The following TMEM245 variants were observed in gnomAD, a reference collection of about 807,000 sequenced individuals.
TMEM245 encodes the protein protein CG-2.
Under a neutral mutation model 101.2 loss-of-function variants are expected in TMEM245, and 69 were observed. The observed-to-expected ratio is 0.68, with a 90% CI of 0.56 to 0.83. The LOEUF (loss-of-function observed/expected upper bound fraction) is 0.83. TMEM245 is among the 40% of genes least tolerant of loss of function. TMEM245 has a pLI of 0.00. For synonymous variants in TMEM245, 537 were observed against 449.8 expected, an observed-to-expected ratio of 1.19 and a Z score of -2.45; for missense variants, 1,075 against 1,092.8, an observed-to-expected ratio of 0.98 and a Z score of 0.23.
chr9:109,069,958 A>G (rs1829280903), intron 9 of TMEM245, among the ~76,000 whole-genome samples: 2 of 152,248 alleles, frequency 1.3e-5, no homozygotes, highest in South Asian at 4.1e-4. Flanking sequence ...AAATTTCTGC[A>G]GCAATTTGAC....
intron 8 of TMEM245, among the ~76,000 whole-genome samples, chr9:109,075,867 A>AT (rs1284097331): frequency 4.0e-5 from 6 of 151,810 alleles, no homozygotes; most frequent in Admixed American, 6.6e-5. Context: ...GATCCTTATT[A>AT]TTTCCTTCCT....
rs1265728121 is a variant in TMEM245 at position 109,108,492 on chromosome 9, C to T, written c.658G>A (p.Val220Ile). Residue 220 changes from valine to isoleucine, a missense_variant, in exon 2 of 18, where the codon GTT (valine) becomes ATT (isoleucine). Val to Ile is a conservative substitution (Grantham distance 29). Around this residue, in one of 2 missense-constraint regions of TMEM245, gnomAD observed 808 missense variants for 741.5 expected, o/e 1.09. Transcript: ENST00000374586. ...AATATAATCCAGACAGGAATTGAAA[C>T]TGCTCTCAAGTAGCGTTCAGTGCTT... Reference protein sequence around the residue: ...NASTERYLRAVSIPVWIILLF... With the variant: ...NASTERYLRAISIPVWIILLF... The T allele has an allele frequency of 6.3e-7, 1 of 1,580,612 alleles. No individual in the cohort carries two copies. The highest frequency in any genetic ancestry group is 1.4e-5 in the African/African-American group (1 of 73,078).
intron 1 of TMEM245, among the ~76,000 whole-genome samples, chr9:109,112,558 A>C (rs1164621949): frequency 1.3e-5 from 2 of 151,824 alleles, no homozygotes; most frequent in Non-Finnish European, 2.9e-5. Flanking sequence ...AAAAAAAAGA[A>C]AGACGTATAT....
At chr9:109,096,061 T>C (rs1373511248) in intron 3 of TMEM245, among the ~76,000 whole-genome samples, 2 of 152,098 alleles carry the variant, frequency 1.3e-5, no homozygotes, top group African/African-American at 4.8e-5. Context: ...GAGGAAGCAA[T>C]GAAGGGAATC....
chr9:109,058,581 A>C (rs1297412838), intron 11 of TMEM245, among the ~76,000 whole-genome samples: 1 of 152,142 alleles, frequency 6.6e-6, no homozygotes, highest in Non-Finnish European at 1.5e-5. Context: ...AAATTTAAAA[A>C]TTAGACAAGC....
At chr9:109,056,099 T>G (rs1209127210) in intron 12 of TMEM245, among the ~76,000 whole-genome samples, 1 of 152,056 alleles carries the variant, frequency 6.6e-6, no homozygotes, top group African/African-American at 2.4e-5. Context: ...AAAGATAACA[T>G]CTAAAACTGC....
chr9:109,046,577 A>G (rs147364606), intron 14 of TMEM245, among the ~76,000 whole-genome samples: 59 of 152,310 alleles, frequency 3.9e-4, no homozygotes, highest in Middle Eastern at 3.4e-3. Context: ...AGACACTATC[A>G]CTGTCTGGTC....
intron 5 of TMEM245, 133 bp from the exon 6 acceptor site, chr9:109,087,475 A>G: frequency 1.0e-6 from 1 of 957,274 alleles, no homozygotes; most frequent in Non-Finnish European, 1.5e-6. Context: ...AATGTTAAAA[A>G]GCAGGGTGGG....
rs371767612 is a variant in TMEM245 at position 109,037,854 on chromosome 9, C to T, written c.2224+163G>A. ...TGCTGGGGATACAGCAATAAACAAA[C>T]ACATTACAAATCATATTTCTGTTCC... On this transcript the variant is annotated intron_variant, in intron 15 of 17. Transcript: ENST00000374586. Among the ~76,000 whole-genome samples the T allele has an allele frequency of 2.6e-5, 4 of 152,290 alleles. 1 individual carries two copies. Among genetic ancestry groups the T allele is most frequent in the South Asian group, 2.1e-4 (1 of 4,826 alleles).
At chr9:109,066,478 A>AAAAAATT (rs869275234) in intron 9 of TMEM245, among the ~76,000 whole-genome samples, 1 of 147,548 alleles carries the variant, frequency 6.8e-6, no homozygotes, top group African/African-American at 2.5e-5. Flanking sequence ...AAAAAAAAAA[A>AAAAAATT]TTTCTCAGCA....
At chr9:109,036,947 T>C (rs1828146168) in intron 15 of TMEM245, among the ~76,000 whole-genome samples, 2 of 152,172 alleles carry the variant, frequency 1.3e-5, no homozygotes, top group African/African-American at 2.4e-5. Flanking sequence ...CTTGGAAAAC[T>C]GGTCTCTCAT....
intron 17 of TMEM245, among the ~76,000 whole-genome samples, chr9:109,030,610 C>A (rs182413954): frequency 5.9e-4 from 90 of 152,312 alleles, no homozygotes; most frequent in African/African-American, 2.0e-3. Flanking sequence ...TGATTTCGAG[C>A]ACCGCTGGCT....
At chr9:109,026,519 G>T (rs577763164) in intron 17 of TMEM245, among the ~76,000 whole-genome samples, 1 of 151,672 alleles carries the variant, frequency 6.6e-6, no homozygotes, top group African/African-American at 2.4e-5. Flanking sequence ...GGCACCTGGT[G>T]TATCTGAGGC....
intron 14 of TMEM245, chr9:109,039,439 G>A (rs1298088877): frequency 2.0e-5 from 3 of 152,152 alleles, no homozygotes; most frequent in Admixed American, 6.6e-5. Context: ...GAAGGGGAAA[G>A]AATAGCAGTG....
At chr9:109,040,876 T>C (rs1378211093) in intron 14 of TMEM245, among the ~76,000 whole-genome samples, 1 of 152,218 alleles carries the variant, frequency 6.6e-6, no homozygotes, top group Non-Finnish European at 1.5e-5. Flanking sequence ...AGTTTGGGGG[T>C]ATTATGAATA....
At chr9:109,030,631 C>G (rs1348270170) in intron 17 of TMEM245, among the ~76,000 whole-genome samples, 1 of 152,224 alleles carries the variant, frequency 6.6e-6, no homozygotes, top group Non-Finnish European at 1.5e-5. Flanking sequence ...TCTCAGGTAT[C>G]TGAGCACTTG....
Position 109,108,461 on chromosome 9 carries a change from A to G in TMEM245, c.689T>C (p.Phe230Ser). Residue 230 changes from phenylalanine (F) to serine (S), a missense_variant, in exon 2 of 18, where the codon TTT becomes TCT. Physicochemically the swap from Phe to Ser is radical, Grantham distance 155. This residue lies in a region of TMEM245 where 808 missense variants were observed against 741.5 expected (regional missense o/e 1.09). Transcript: ENST00000374586. ...VSIPVWIILLFHLASLAGSWR... is the reference protein window; with the variant it reads ...VSIPVWIILLSHLASLAGSWR... ...AAAAAGAAGGAACCCACCTAAATGA[A>G]AAAGCAATATAATCCAGACAGGAAT... is the stretch of plus-strand genomic sequence containing the variant. The G allele has an allele frequency of 6.4e-7, 1 of 1,566,434 alleles. No homozygotes were observed. The highest frequency in any genetic ancestry group is 8.6e-7 in the Non-Finnish European group (1 of 1,160,606).
At chr9:109,059,991 T>C (rs1828960768) in intron 11 of TMEM245, among the ~76,000 whole-genome samples, 1 of 152,084 alleles carries the variant, frequency 6.6e-6, no homozygotes, top group South Asian at 2.1e-4. Flanking sequence ...GCATATTGGG[T>C]TAAATAAAAT....
intron 3 of TMEM245, among the ~76,000 whole-genome samples, chr9:109,105,416 G>C (rs185722235): frequency 6.6e-5 from 10 of 152,152 alleles, no homozygotes; most frequent in Admixed American, 4.6e-4. Flanking sequence ...AATCTGAATG[G>C]TACATCTGCT....
Sources: allele counts gnomAD v4.1 joint callset (sites outside exome capture counted in the v4.1 genomes callset), GRCh38; gene constraint gnomAD v4.1.1; regional missense constraint gnomAD v4.1.1; transcripts MANE v1.5; gene names NCBI Gene and HGNC (gene_info 2026-07-23, HGNC 2026-07-21).